The following PDCD1LG2 variants were observed in gnomAD, a reference collection of about 807,000 sequenced individuals.
The protein encoded by PDCD1LG2 is B7 dendritic cell molecule.
A neutral mutation model predicts 28.2 loss-of-function variants in PDCD1LG2; 32 were observed. The ratio of observed to expected loss-of-function variants is 1.13; its 90% CI spans 0.86 to 1.52. The LOEUF (loss-of-function observed/expected upper bound fraction) is 1.52, where lower values mean the gene tolerates loss of function less well. Among genes scored for constraint, PDCD1LG2 ranks in the 40% most tolerant of loss-of-function variants. The pLI is 0.00. For synonymous variants in PDCD1LG2, 116 were observed against 120.2 expected (o/e 0.97, Z 0.23); for missense variants, 385 against 323.8 (o/e 1.19, Z -1.45).
At chr9:5,527,754 A>AT (rs1469402201) in intron 2 of PDCD1LG2, among the ~76,000 whole-genome samples, 2 of 151,882 alleles carry the variant, frequency 1.3e-5, no homozygotes, top group Non-Finnish European at 2.9e-5. Flanking sequence ...TGGCTGTACC[A>AT]TTTTTTCATT....
chr9:5,554,802 A>G (rs1196835986), intron 4 of PDCD1LG2, among the ~76,000 whole-genome samples: 7 of 152,360 alleles, frequency 4.6e-5, no homozygotes, highest in South Asian at 2.1e-4. Context: ...GGTTGAGAGC[A>G]TGGGCTCTGA....
At chr9:5,517,338 G>A (rs1379487556) in intron 1 of PDCD1LG2, among the ~76,000 whole-genome samples, 2 of 152,232 alleles carry the variant, frequency 1.3e-5, no homozygotes, top group Non-Finnish European at 1.5e-5. Context: ...CCTGGAAGCA[G>A]GCTTAAGGCC....
chr9:5,521,563 T>G (rs1436966311), intron 1 of PDCD1LG2, among the ~76,000 whole-genome samples: 1 of 152,066 alleles, frequency 6.6e-6, no homozygotes, highest in Non-Finnish European at 1.5e-5. Flanking sequence ...TCCTAACCGA[T>G]CTCACTGCTT....
rs2129795776 is a variant in PDCD1LG2, at chr9:5,534,998, A to G, written c.309A>G (p.Ile103Met). The change falls in exon 3 of 7, where the codon ATA becomes ATG. Residue 103 changes from isoleucine (I) to methionine (M), a missense_variant. Physicochemically the swap from Ile to Met is conservative, Grantham distance 10. Transcript: ENST00000397747. ...QVRDEGQYQC[I>M]IIYGVAWDYK... is the part of the protein sequence containing the mutation. ...GGGACGAAGGACAGTACCAATGCAT[A>G]ATCATCTATGGGGTCGCCTGGGACT... 2 of 1,614,064 alleles carry G rather than the reference A, an allele frequency of 1.2e-6. No individual in the cohort carries two copies. The highest frequency in any genetic ancestry group is 1.3e-5 in the African/African-American group (1 of 75,036).
intron 3 of PDCD1LG2, among the ~76,000 whole-genome samples, chr9:5,547,936 CAAAAA>C (rs1165268333): frequency 6.6e-4 from 40 of 60,914 alleles, no homozygotes; most frequent in African/African-American, 1.8e-3. Context: ...AACTCTGTCT[CAAAAA>C]AAAAAAAAAA....
intron 2 of PDCD1LG2, among the ~76,000 whole-genome samples, chr9:5,533,208 C>G (rs568401149): frequency 6.6e-6 from 1 of 152,214 alleles, no homozygotes; most frequent in Non-Finnish European, 1.5e-5. Flanking sequence ...TCAGAAACTA[C>G]TTCAAGATTT....
At chr9:5,549,742 G>A in intron 4 of PDCD1LG2, 138 bp downstream of exon 4, 1 of 1,086,216 alleles carries the variant, frequency 9.2e-7, no homozygotes, top group Non-Finnish European at 1.3e-6. Flanking sequence ...AAACTACAAA[G>A]GATAGTGCAG....
At chr9:5,538,965 C>A (rs1273340040) in intron 3 of PDCD1LG2, among the ~76,000 whole-genome samples, 1 of 151,870 alleles carries the variant, frequency 6.6e-6, no homozygotes, top group Non-Finnish European at 1.5e-5. Flanking sequence ...TTTATTATTT[C>A]TTTGTGTTGA....
chr9:5,514,604 G>C (rs920217832), intron 1 of PDCD1LG2, among the ~76,000 whole-genome samples: 4 of 151,962 alleles, frequency 2.6e-5, no homozygotes, highest in African/African-American at 9.7e-5. Flanking sequence ...AGCTGGGCAA[G>C]GTAGCCCACA....
At chr9:5,516,114 C>A (rs923657954) in intron 1 of PDCD1LG2, among the ~76,000 whole-genome samples, 5 of 151,722 alleles carry the variant, frequency 3.3e-5, no homozygotes, top group African/African-American at 7.3e-5. Context: ...TGCAGTGGCG[C>A]AATCTCGGCT....
At chr9:5,528,695 G>T (rs773346404) in intron 2 of PDCD1LG2, among the ~76,000 whole-genome samples, 2 of 152,090 alleles carry the variant, frequency 1.3e-5, no homozygotes, top group Non-Finnish European at 2.9e-5. Flanking sequence ...GGAATTAAAC[G>T]ATTGTTTAAT....
chr9:5,517,046 C>T (rs187445193), intron 1 of PDCD1LG2, among the ~76,000 whole-genome samples: 3 of 152,192 alleles, frequency 2.0e-5, no homozygotes, highest in Non-Finnish European at 2.9e-5. Context: ...CTGCTCTAAA[C>T]GGGCAGCTGC....
Position 5,535,013 on chromosome 9 carries a change from C to A in PDCD1LG2, c.324C>A (p.Val108=), listed in dbSNP as rs541053445. 1.9e-6 allele frequency: 3 copies of A among 1,612,890 alleles called. No individual in the cohort carries two copies. In the African/African-American group the frequency reaches 4.0e-5, roughly 22 times the overall value. The change falls in exon 3 of 7, where the codon GTC becomes GTA. Residue 108 remains valine, a synonymous_variant. Coordinates refer to ENST00000397747, the MANE Select transcript of PDCD1LG2 (RefSeq NM_025239.4). ...ACCAATGCATAATCATCTATGGGGTCGCCTGGGACTACAAGTACCTGACTC... is the reference window on the plus strand; with the variant it reads ...ACCAATGCATAATCATCTATGGGGTAGCCTGGGACTACAAGTACCTGACTC... ...GQYQCIIIYG[V]AWDYKYLTLK...
chr9:5,547,868 G>A (rs1284238617), intron 3 of PDCD1LG2, among the ~76,000 whole-genome samples: 1 of 151,218 alleles, frequency 6.6e-6, no homozygotes, highest in Non-Finnish European at 1.5e-5. Context: ...AACCTGGGAG[G>A]TGGAGGTTGC....
chr9:5,526,359 C>T (rs912472516), intron 2 of PDCD1LG2, among the ~76,000 whole-genome samples: 3 of 152,178 alleles, frequency 2.0e-5, no homozygotes, highest in Admixed American at 1.3e-4. Context: ...GCTTCACATA[C>T]CCTAGCCCAA....
rs1232492610 is a variant in PDCD1LG2, at chr9:5,549,361, A to C, written c.388A>C (p.Ile130Leu). 3 of 1,613,802 alleles carry C rather than the reference A, an allele frequency of 1.9e-6. No homozygotes were observed. The highest frequency in any genetic ancestry group is 2.5e-6 in the Non-Finnish European group (3 of 1,179,804). Residue 130 changes from isoleucine (I) to leucine (L), a missense_variant, in exon 4 of 7, where the codon ATC becomes CTC. Ile to Leu is a conservative substitution (Grantham distance 5, BLOSUM62 2). Transcript: ENST00000397747. ...KASYRKINTH[I>L]LKVPETDEVE... ...TTCCTACAGGAAAATAAACACTCAC[A>C]TCCTAAAGGTTCCAGAAACAGATGA...
At chr9:5,526,923 C>T (rs1563823058) in intron 2 of PDCD1LG2, among the ~76,000 whole-genome samples, 1 of 151,768 alleles carries the variant, frequency 6.6e-6, no homozygotes, top group Non-Finnish European at 1.5e-5. Context: ...TGTTGGTAGA[C>T]ATTATTTCCA....
chr9:5,566,554 C>T (rs1387024752), intron 6 of PDCD1LG2, among the ~76,000 whole-genome samples: 1 of 152,228 alleles, frequency 6.6e-6, no homozygotes, highest in African/African-American at 2.4e-5. Context: ...TAACCAGTAA[C>T]ATTCTAGGTA....
Position 5,546,775 on chromosome 9 carries a change from C to T in PDCD1LG2, c.362-2560C>T, listed in dbSNP as rs116035939. Among the ~76,000 whole-genome samples the T allele has an allele frequency of 2.5e-3, 388 of 152,254 alleles. 1 individual carries two copies. Among genetic ancestry groups the T allele is most frequent in the African/African-American group, 9.1e-3 (377 of 41,548 alleles). ...TAGGGTCTGCATATCATTTAAATGA[C>T]ATAATGTATTATATGTATTATGTAT... On this transcript the variant is annotated intron_variant, in intron 3 of 6. Coordinates refer to ENST00000397747, the MANE Select transcript of PDCD1LG2 (RefSeq NM_025239.4).
Sources: gnomAD v4.1 joint callset for allele counts (sites outside exome capture counted in the v4.1 genomes callset) on GRCh38, gnomAD v4.1.1 for gene constraint, MANE v1.5 for transcripts, NCBI Gene and HGNC (gene_info 2026-07-23, HGNC 2026-07-21) for gene names.